The following MAGI1 variants were observed in gnomAD, a reference collection of about 807,000 sequenced individuals.
MAGI1 encodes membrane-associated guanylate kinase, WW and PDZ domain-containing protein 1.
In MAGI1, 58 loss-of-function variants were observed where a neutral mutation model predicts 139.9. The observed-to-expected ratio is 0.41, with a 90% CI of 0.34 to 0.52. The LOEUF (loss-of-function observed/expected upper bound fraction) is 0.52. Ranked by LOEUF, MAGI1 falls within the 20% of genes least tolerant of loss-of-function variation. The pLI, the probability that MAGI1 is intolerant of heterozygous loss-of-function variation, is 0.12. For synonymous variants in MAGI1, 812 were observed against 737.9 expected, an observed-to-expected ratio of 1.10 and a Z score of -1.63; for missense variants, 1,874 against 1,901.6, an observed-to-expected ratio of 0.99 and a Z score of 0.27.
chr3:65,558,939 G>A (rs577309326), intron 2 of MAGI1, among the ~76,000 whole-genome samples: 3 of 152,236 alleles, frequency 2.0e-5, no homozygotes, highest in African/African-American at 7.2e-5. Context: ...AAAAACTTAA[G>A]TAACTTCATT....
intron 3 of MAGI1, among the ~76,000 whole-genome samples, chr3:65,480,475 C>T (rs1951204312): frequency 6.7e-6 from 1 of 150,006 alleles, no homozygotes; most frequent in African/African-American, 2.5e-5. Flanking sequence ...GTCAAGGATA[C>T]AGTAAGCAGA....
chr3:65,706,410 C>G (rs1224980337), intron 1 of MAGI1, among the ~76,000 whole-genome samples: 1 of 152,206 alleles, frequency 6.6e-6, no homozygotes, highest in Non-Finnish European at 1.5e-5. Flanking sequence ...CCTCTGCCTT[C>G]CCTGAAATTA....
chr3:65,609,870 C>T (rs1364022907), intron 2 of MAGI1: 1 of 164,770 alleles, frequency 6.1e-6, no homozygotes, highest in Admixed American at 6.7e-5. Context: ...AGCCATCACG[C>T]CCTGCTTCCT....
intron 2 of MAGI1, among the ~76,000 whole-genome samples, chr3:65,510,012 C>A (rs1272225576): frequency 1.3e-5 from 2 of 152,154 alleles, no homozygotes; most frequent in Admixed American, 1.3e-4. Flanking sequence ...CCCCGAGCAC[C>A]CTAACTGGGA....
At chr3:65,818,151 T>G (rs1161417527) in intron 1 of MAGI1, among the ~76,000 whole-genome samples, 4 of 152,198 alleles carry the variant, frequency 2.6e-5, no homozygotes, top group Admixed American at 1.3e-4. Context: ...CAATATTCTA[T>G]GTTACTCAAA....
intron 2 of MAGI1, among the ~76,000 whole-genome samples, chr3:65,550,580 C>T (rs1050015805): frequency 6.6e-6 from 1 of 152,140 alleles, no homozygotes; most frequent in Non-Finnish European, 1.5e-5. Context: ...TCAGGTGGAC[C>T]ACAGCAATAG....
intron 1 of MAGI1, among the ~76,000 whole-genome samples, chr3:65,876,745 C>CTT (rs1429265761): frequency 0.04 from 5,388 of 133,822 alleles, 416 homozygotes; most frequent in African/African-American, 0.14. Context: ...ATGTATCATG[C>CTT]TTTTTTTTTT....
At chr3:65,832,985 A>G (rs1038917810) in intron 1 of MAGI1, among the ~76,000 whole-genome samples, 2 of 152,216 alleles carry the variant, frequency 1.3e-5, no homozygotes, top group African/African-American at 2.4e-5. Flanking sequence ...GAATTCTACA[A>G]TGGTGCAATT....
chr3:65,695,884 T>C (rs1319840922), intron 1 of MAGI1, among the ~76,000 whole-genome samples: 1 of 152,146 alleles, frequency 6.6e-6, no homozygotes, highest in African/African-American at 2.4e-5. Flanking sequence ...ATATTTGTGC[T>C]TTACTCACTC....
At chr3:65,921,951 C>CACAT (rs929651815) in intron 1 of MAGI1, among the ~76,000 whole-genome samples, 3 of 151,276 alleles carry the variant, frequency 2.0e-5, no homozygotes, top group African/African-American at 7.3e-5. Flanking sequence ...CACACACACA[C>CACAT]ACACTACACA....
intron 2 of MAGI1, among the ~76,000 whole-genome samples, chr3:65,545,608 C>T (rs2079454787): frequency 6.6e-6 from 1 of 152,090 alleles, no homozygotes; most frequent in Non-Finnish European, 1.5e-5. Flanking sequence ...CATATTCTAG[C>T]CATCTATTCA....
At chr3:65,458,041 A>C (rs975124174) in intron 5 of MAGI1, among the ~76,000 whole-genome samples, 1 of 152,180 alleles carries the variant, frequency 6.6e-6, no homozygotes, top group African/African-American at 2.4e-5. Context: ...ATAAGTGAGA[A>C]CATGTGAAGC....
chr3:65,898,079 C>G (rs1009999536), intron 1 of MAGI1, among the ~76,000 whole-genome samples: 2 of 152,186 alleles, frequency 1.3e-5, no homozygotes, highest in African/African-American at 4.8e-5. Flanking sequence ...CTGTAGGACA[C>G]TTAAGAATAA....
intron 2 of MAGI1, among the ~76,000 whole-genome samples, chr3:65,526,317 G>T (rs2078377679): frequency 6.6e-6 from 1 of 152,130 alleles, no homozygotes; most frequent in South Asian, 2.1e-4. Context: ...AACAAATGGG[G>T]CGTCACTGAA....
chr3:65,999,090 C>T (rs560953224), intron 1 of MAGI1, among the ~76,000 whole-genome samples: 3 of 152,014 alleles, frequency 2.0e-5, no homozygotes, highest in East Asian at 1.9e-4. Flanking sequence ...TTTGAAGTTC[C>T]GGGGTACATG....
At chr3:65,661,133 A>G (rs2086167130) in intron 1 of MAGI1, among the ~76,000 whole-genome samples, 2 of 152,306 alleles carry the variant, frequency 1.3e-5, no homozygotes, top group Admixed American at 1.3e-4. Flanking sequence ...TCTTACACAT[A>G]TTTGCTCACA....
At chr3:65,434,030 T>G (rs1947658534) in intron 10 of MAGI1, among the ~76,000 whole-genome samples, 1 of 152,162 alleles carries the variant, frequency 6.6e-6, no homozygotes, top group South Asian at 2.1e-4. Flanking sequence ...ATGTAACCAT[T>G]GGCTTCCATA....
chr3:65,730,199 T>A (rs1162736041), intron 1 of MAGI1, among the ~76,000 whole-genome samples: 1 of 148,208 alleles, frequency 6.7e-6, no homozygotes, highest in Non-Finnish European at 1.5e-5. Flanking sequence ...AATAAGAGAA[T>A]CTTTGCATTA....
chr3:65,854,176 TA>T (rs34812640), intron 1 of MAGI1, among the ~76,000 whole-genome samples: 67,055 of 139,072 alleles, frequency 0.48, 15,780 homozygotes, highest in Admixed American at 0.59. Flanking sequence ...TTTAAAGGTT[TA>T]AAAAAAAAAA....
Sources: gnomAD v4.1 joint callset for allele counts (sites outside exome capture counted in the v4.1 genomes callset) on GRCh38, gnomAD v4.1.1 for gene constraint, MANE v1.5 for transcripts, NCBI Gene and HGNC (gene_info 2026-07-23, HGNC 2026-07-21) for gene names.